The following MMP9 variants were observed in gnomAD, a reference collection of about 807,000 sequenced individuals.
MMP9 encodes matrix metallopeptidase 9.
A neutral mutation model predicts 76.4 loss-of-function variants in MMP9; 73 were observed. That is an observed-to-expected ratio of 0.96 (90% CI 0.79 to 1.16). MMP9 has a LOEUF of 1.16. MMP9 is among the 50% of genes most tolerant of loss of function. MMP9 has a pLI of 0.00. For synonymous variants in MMP9, 412 were observed against 408.4 expected, an observed-to-expected ratio of 1.01 and a Z score of -0.11; for missense variants, 943 against 973.0, an observed-to-expected ratio of 0.97 and a Z score of 0.41.
Position 46,014,392 on chromosome 20 carries a change from G to T in MMP9, c.1923G>T (p.Met641Ile). The T allele has an allele frequency of 6.5e-7, 1 of 1,549,246 alleles. No homozygotes were observed. The change falls in exon 12 of 13, where the codon ATG (methionine) becomes ATT (isoleucine). Residue 641 changes from methionine to isoleucine, a missense_variant. Met to Ile is a conservative substitution (Grantham distance 10). Coordinates refer to ENST00000372330, the MANE Select transcript of MMP9 (RefSeq NM_004994.3). The stretch of plus-strand genomic sequence containing the variant: ...GCAGGTTCGACGTGAAGGCGCAGAT[G>T]GTGGATCCCCGGAGCGCCAGCGAGG... ...RLWRFDVKAQ[M>I]VDPRSASEVD... is the part of the protein sequence containing the mutation.
rs761153280 is a variant in MMP9 at position 46,013,801 on chromosome 20, G to C, written c.1750+5G>C. 5 of 1,612,362 alleles carry C rather than the reference G, an allele frequency of 3.1e-6. No homozygotes were observed. In the South Asian group the frequency reaches 4.4e-5, roughly 14 times the overall value. The stretch of plus-strand genomic sequence containing the variant: ...AGAAGCTTTTCTTCTTCTCTGGTTA[G>C]TTACCTACTTTCCCTCCCCCGCCCG... On this transcript the variant is annotated splice_donor_5th_base_variant and intron_variant, in intron 10 of 12. Coordinates refer to ENST00000372330, the MANE Select transcript of MMP9 (RefSeq NM_004994.3). The surrounding 1 kb of genome is among the most constrained non-coding windows in gnomAD (Gnocchi z 4.5).
rs869133307 is a variant in MMP9 at position 46,013,107 on chromosome 20, GA to G, written c.1331-145del. On this transcript the variant is annotated intron_variant, in intron 8 of 12. Transcript: ENST00000372330. The surrounding 1 kb of genome is among the most constrained non-coding windows in gnomAD (Gnocchi z 4.5). ...CGCTTAAAACGAAAAAGAAGAAGAA[GA>G]AAGTCCTGTGGTTTGGGAAGGGAGG... The G allele has an allele frequency of 1.1e-6, 1 of 926,992 alleles. No individual in the cohort carries two copies. Among genetic ancestry groups the G allele is most frequent in the East Asian group, 2.4e-5 (1 of 41,412 alleles). 57.4% of individuals were successfully genotyped at this position (926,992 alleles called of 1,614,324 possible).
In MMP9 at chr20:46,010,964, T is replaced by G; in HGVS notation, c.563T>G (p.Leu188Arg). Residue 188 changes from leucine to arginine, a missense_variant, in exon 4 of 13, where the codon CTG becomes CGG. Coordinates refer to ENST00000372330, the MANE Select transcript of MMP9 (RefSeq NM_004994.3). ...CCCTTCGACGGGAAGGACGGGCTCCTGGCACACGCCTTTCCTCCTGGCCCC... is the reference window on the plus strand; with the variant it reads ...CCCTTCGACGGGAAGGACGGGCTCCGGGCACACGCCTTTCCTCCTGGCCCC... ...GYPFDGKDGL[L>R]AHAFPPGPGI... 1 of 1,614,238 alleles carries G rather than the reference T, an allele frequency of 6.2e-7. No homozygotes were observed. The highest frequency in any genetic ancestry group is 8.5e-7 in the Non-Finnish European group (1 of 1,180,036).
chr20:46,013,365 C>T lies in MMP9; in HGVS notation c.1441C>T (p.Pro481Ser), dbSNP rs1238336258. The change falls in exon 9 of 13, where the codon CCC becomes TCC. Residue 481 changes from proline to serine, a missense_variant. Physicochemically the swap from Pro to Ser is moderately conservative, Grantham distance 74. Transcript: ENST00000372330. This position sits in a 1 kb window ranked among gnomAD's most constrained non-coding sequence, Gnocchi z 4.5. ...GPPTVHPSERPTAGPTGPPSA... is the reference protein window; with the variant it reads ...GPPTVHPSERSTAGPTGPPSA... ...CCCCACTGTCCACCCCTCAGAGCGCCCCACAGCTGGCCCCACAGGTCCCCC... is the reference window on the plus strand; with the variant it reads ...CCCCACTGTCCACCCCTCAGAGCGCTCCACAGCTGGCCCCACAGGTCCCCC... The T allele has an allele frequency of 1.9e-6, 3 of 1,613,250 alleles. No homozygotes were observed. Among genetic ancestry groups the T allele is most frequent in the Non-Finnish European group, 2.5e-6 (3 of 1,179,630 alleles).
At position 46,011,115 on chromosome 20, in the gene MMP9, C is replaced by T. The variant is rs201236108; in HGVS notation, c.650-28C>T. Reference sequence around the variant, plus strand: ...TCTCTCCCACTCATCACCCGCCGCCCTAACTCCGGTCCCCCCTCCTCCTGC... The same window carrying T: ...TCTCTCCCACTCATCACCCGCCGCCTTAACTCCGGTCCCCCCTCCTCCTGC... On this transcript the variant is annotated intron_variant, in intron 4 of 12. Transcript: ENST00000372330. 13 of 1,614,048 alleles carry T rather than the reference C, an allele frequency of 8.1e-6. No homozygotes were observed. The East Asian group carries it at 2.7e-4, about 33-fold the overall frequency.
intron 12 of MMP9, 62 bp from the exon 13 acceptor site, chr20:46,016,188 C>G: frequency 6.9e-7 from 1 of 1,440,018 alleles, no homozygotes. Flanking sequence ...AGATCTTGTT[C>G]CTATTTCTGT....
chr20:46,013,767 G>C lies in MMP9; in HGVS notation c.1721G>C (p.Arg574Pro), dbSNP rs2250889. ...AAGCTGGACTCGGTCTTTGAGGAGC[G>C]GCTCTCCAAGAAGCTTTTCTTCTTC... ...PRKLDSVFEE[R>P]LSKKLFFFSG... The change falls in exon 10 of 13, where the codon CGG becomes CCG. Residue 574 changes from arginine (R) to proline (P), a missense_variant. Physicochemically the swap from Arg to Pro is moderately radical, Grantham distance 103. Transcript: ENST00000372330. The surrounding 1 kb of genome is among the most constrained non-coding windows in gnomAD (Gnocchi z 4.5). 0.93 allele frequency: 1,495,150 copies of C among 1,613,230 alleles called. 697,146 individuals carry two copies. Among genetic ancestry groups the C allele is most frequent in the Non-Finnish European group, 0.96 (1,127,773 of 1,179,984 alleles).
chr20:46,011,446 T>A, intron 5 of MMP9, 128 bp from the exon 6 acceptor site: 1 of 1,568,102 alleles, frequency 6.4e-7, no homozygotes, highest in Non-Finnish European at 8.7e-7. Flanking sequence ...CCCAATTTTC[T>A]CATCTGAGAA....
At chr20:46,015,099 A>C (rs1262442568) in intron 12 of MMP9, among the ~76,000 whole-genome samples, 1 of 152,184 alleles carries the variant, frequency 6.6e-6, no homozygotes, top group African/African-American at 2.4e-5. Context: ...GTGAAGGGCA[A>C]TGGTCTTGGG....
chr20:46,012,605 A>G (rs1490734983), intron 8 of MMP9, 23 bp downstream of exon 8: 1 of 1,413,986 alleles, frequency 7.1e-7, no homozygotes, highest in Non-Finnish European at 9.5e-7. Flanking sequence ...CAGGGATGGG[A>G]GGAGGAGGGG....
Position 46,012,524 on chromosome 20 carries a change from C to A in MMP9, c.1272C>A (p.Arg424=), listed in dbSNP as rs1203384133. ...VPEALMYPMY[R]FTEGPPLHKD... is the part of the protein sequence containing the mutation. Reference sequence around the variant, plus strand: ...AGGCGCTCATGTACCCTATGTACCGCTTCACTGAGGGGCCCCCCTTGCATA... The same window carrying A: ...AGGCGCTCATGTACCCTATGTACCGATTCACTGAGGGGCCCCCCTTGCATA... The change falls in exon 8 of 13, where the codon CGC becomes CGA. Residue 424 remains arginine, a synonymous_variant. Coordinates refer to ENST00000372330, the MANE Select transcript of MMP9 (RefSeq NM_004994.3). 1 of 1,614,196 alleles carries A rather than the reference C, an allele frequency of 6.2e-7. No individual in the cohort carries two copies. Among genetic ancestry groups the A allele is most frequent in the African/African-American group, 1.3e-5 (1 of 75,060 alleles).
Position 46,013,407 on chromosome 20 carries a change from G to A in MMP9, c.1483G>A (p.Gly495Ser). The A allele has an allele frequency of 6.2e-7, 1 of 1,612,784 alleles. No individual in the cohort carries two copies. Among genetic ancestry groups the A allele is most frequent in the Non-Finnish European group, 8.5e-7 (1 of 1,179,396 alleles). The change falls in exon 9 of 13, where the codon GGT (glycine) becomes AGT (serine). Residue 495 changes from glycine (G) to serine (S), a missense_variant. Coordinates refer to ENST00000372330, the MANE Select transcript of MMP9 (RefSeq NM_004994.3). The surrounding 1 kb of genome is among the most constrained non-coding windows in gnomAD (Gnocchi z 4.5). ...AGGTCCCCCCTCAGCTGGCCCCACA[G>A]GTCCCCCCACTGCTGGCCCTTCTAC... ...PTGPPSAGPT[G>S]PPTAGPSTAT...
In MMP9 at chr20:46,016,259, A is replaced by G; in HGVS notation, c.2015A>G (p.Tyr672Cys). ...HDVFQYREKA[Y>C]FCQDRFYWRV... ...TGCCTGTCTCCTGCAGAGAAAGCCTATTTCTGCCAGGACCGCTTCTACTGG... is the reference window on the plus strand; with the variant it reads ...TGCCTGTCTCCTGCAGAGAAAGCCTGTTTCTGCCAGGACCGCTTCTACTGG... Residue 672 changes from tyrosine to cysteine, a missense_variant, in exon 13 of 13, where the codon TAT becomes TGT. Coordinates refer to ENST00000372330, the MANE Select transcript of MMP9 (RefSeq NM_004994.3). 4 of 1,614,164 alleles carry G rather than the reference A, an allele frequency of 2.5e-6. No individual in the cohort carries two copies. Among genetic ancestry groups the G allele is most frequent in the Non-Finnish European group, 3.4e-6 (4 of 1,179,988 alleles).
chr20:46,014,339 T>C (rs1267060421), intron 11 of MMP9, 32 bp from the exon 12 acceptor site: 6 of 1,544,098 alleles, frequency 3.9e-6, no homozygotes, highest in Non-Finnish European at 5.2e-6. Context: ...GCTAGCCGGC[T>C]CAGCACCTGT....
Position 46,013,273 on chromosome 20 carries a change from A to G in MMP9, c.1349A>G (p.Glu450Gly), listed in dbSNP as rs200271676. The G allele has an allele frequency of 6.2e-7, 1 of 1,613,990 alleles. No individual in the cohort carries two copies. The highest frequency in any genetic ancestry group is 8.5e-7 in the Non-Finnish European group (1 of 1,179,984). ...RHLYGPRPEP[E>G]PRPPTTTTPQ... ...TTTTTAGGTCCTCGCCCTGAACCTG[A>G]GCCACGGCCTCCAACCACCACCACA... Residue 450 changes from glutamate to glycine, a missense_variant, in exon 9 of 13, where the codon GAG becomes GGG. By Grantham distance (98) the Glu-to-Gly change is moderately conservative. Coordinates refer to ENST00000372330, the MANE Select transcript of MMP9 (RefSeq NM_004994.3). The surrounding 1 kb of genome is among the most constrained non-coding windows in gnomAD (Gnocchi z 4.5).
rs953059929 is a variant in MMP9 at position 46,010,635 on chromosome 20, A to C, written c.520+4A>C. 6.2e-7 allele frequency: 1 copy of C among 1,612,364 alleles called. No homozygotes were observed. Among genetic ancestry groups the C allele is most frequent in the African/African-American group, 1.3e-5 (1 of 74,916 alleles). ...GTCATCCAGTTTGGTGTCGCGGGTGAGAACGTGAGGAGGGAAAATCCAAGA... is the reference window on the plus strand; with the variant it reads ...GTCATCCAGTTTGGTGTCGCGGGTGCGAACGTGAGGAGGGAAAATCCAAGA... On this transcript the variant is annotated splice_donor_region_variant and intron_variant, in intron 3 of 12. Coordinates refer to ENST00000372330, the MANE Select transcript of MMP9 (RefSeq NM_004994.3).
Position 46,014,386 on chromosome 20 carries a change from G to A in MMP9, c.1917G>A (p.Ala639=), listed in dbSNP as rs1226890048. ...CTGCCCGCAGGTTCGACGTGAAGGC[G>A]CAGATGGTGGATCCCCGGAGCGCCA... The part of the protein sequence containing the change: ...GRRLWRFDVK[A]QMVDPRSASE... Residue 639 remains alanine (A), a synonymous_variant, in exon 12 of 13, where the codon GCG becomes GCA. Transcript: ENST00000372330. The A allele has an allele frequency of 6.5e-7, 1 of 1,548,866 alleles. No homozygotes were observed.
Position 46,011,029 on chromosome 20 carries a change from T to C in MMP9, c.628T>C (p.Trp210Arg). Residue 210 changes from tryptophan (W) to arginine (R), a missense_variant, in exon 4 of 13, where the codon TGG becomes CGG. Coordinates refer to ENST00000372330, the MANE Select transcript of MMP9 (RefSeq NM_004994.3). ...CGCCCATTTCGACGATGACGAGTTG[T>C]GGTCCCTGGGCAAGGGCGTCGGTGA... ...GDAHFDDDEL[W>R]SLGKGVVVPT... 5 of 1,610,562 alleles carry C rather than the reference T, an allele frequency of 3.1e-6. No individual in the cohort carries two copies. Among genetic ancestry groups the C allele is most frequent in the Non-Finnish European group, 4.2e-6 (5 of 1,177,722 alleles).
intron 6 of MMP9, 143 bp downstream of exon 6, chr20:46,011,890 A>C: frequency 8.9e-7 from 1 of 1,128,020 alleles, no homozygotes; most frequent in East Asian, 2.6e-5. Context: ...CCTACACCAC[A>C]TTTCCACCAC....
Sources: allele counts gnomAD v4.1 joint callset (sites outside exome capture counted in the v4.1 genomes callset), GRCh38; gene constraint gnomAD v4.1.1; non-coding constraint Gnocchi (gnomAD v3.1); transcripts MANE v1.5; gene names NCBI Gene and HGNC (gene_info 2026-07-23, HGNC 2026-07-21).